Variants in RPS6KA2 observed in about 807,000 individuals in gnomAD.
RPS6KA2 encodes ribosomal protein S6 kinase alpha-2.
RPS6KA2 carries 42 observed loss-of-function variants against 91.8 expected under a neutral mutation model. The ratio of observed to expected loss-of-function variants is 0.46; its 90% CI spans 0.36 to 0.59. The LOEUF (loss-of-function observed/expected upper bound fraction) is 0.59. RPS6KA2 is among the 20% of genes least tolerant of loss of function. RPS6KA2 has a pLI of 0.00. For synonymous variants in RPS6KA2, 414 were observed against 393.6 expected, an observed-to-expected ratio of 1.05 and a Z score of -0.61; for missense variants, 798 against 978.5, an observed-to-expected ratio of 0.82 and a Z score of 2.46.
At chr6:166,714,964 C>T (rs1432244099) in intron 2 of RPS6KA2, among the ~76,000 whole-genome samples, 1 of 152,250 alleles carries the variant, frequency 6.6e-6, no homozygotes, top group South Asian at 2.1e-4. Context: ...ACTGGGCACC[C>T]TCCCTTCCCG....
chr6:166,567,822 C>A (rs1784547859), intron 1 of RPS6KA2, among the ~76,000 whole-genome samples: 1 of 152,190 alleles, frequency 6.6e-6, no homozygotes, highest in Non-Finnish European at 1.5e-5. Context: ...ACAAGAGGTT[C>A]CATCTCTCCC....
chr6:166,647,595 G>A (rs1170142201), intron 2 of RPS6KA2, among the ~76,000 whole-genome samples: 2 of 152,102 alleles, frequency 1.3e-5, no homozygotes, highest in Non-Finnish European at 2.9e-5. Flanking sequence ...TTTCCATACC[G>A]CTCCCTAACA....
intron 2 of RPS6KA2, among the ~76,000 whole-genome samples, chr6:166,686,199 G>A (rs1449933597): frequency 2.6e-5 from 4 of 152,152 alleles, no homozygotes; most frequent in Non-Finnish European, 5.9e-5. Flanking sequence ...GTCCTGCTGA[G>A]TCCTGCCGCC....
chr6:166,827,039 C>T (rs1780063473), intron 2 of RPS6KA2, among the ~76,000 whole-genome samples: 1 of 151,894 alleles, frequency 6.6e-6, no homozygotes. Context: ...ATGGGGAGAC[C>T]TTGGTCAAAG....
At chr6:166,547,736 A>G (rs1470946941) in intron 1 of RPS6KA2, among the ~76,000 whole-genome samples, 2 of 152,264 alleles carry the variant, frequency 1.3e-5, no homozygotes, top group Non-Finnish European at 2.9e-5. Context: ...GATAGAGAGT[A>G]GTCAGCTGCA....
intron 1 of RPS6KA2, among the ~76,000 whole-genome samples, chr6:166,545,953 C>T (rs189804049): frequency 3.3e-4 from 50 of 152,284 alleles, no homozygotes; most frequent in Non-Finnish European, 6.8e-4. Flanking sequence ...CCAGTCCTGA[C>T]ATCGGCCATT....
chr6:166,544,095 C>T (rs1236290954), intron 1 of RPS6KA2, among the ~76,000 whole-genome samples: 1 of 152,234 alleles, frequency 6.6e-6, no homozygotes, highest in Non-Finnish European at 1.5e-5. Context: ...CCTTGGGTTC[C>T]CTGCTCTAAC....
At chr6:166,695,167 C>T (rs1789321549) in intron 2 of RPS6KA2, among the ~76,000 whole-genome samples, 1 of 152,154 alleles carries the variant, frequency 6.6e-6, no homozygotes, top group African/African-American at 2.4e-5. Flanking sequence ...CTCAGGAAGA[C>T]TTGAACCCAG....
rs1784128916 is a variant in RPS6KA2 at position 166,554,720 on chromosome 6, T to C, written c.100-15936A>G. On this transcript the variant is annotated intron_variant, in intron 1 of 20. Coordinates refer to ENST00000265678, the MANE Select transcript of RPS6KA2 (RefSeq NM_021135.6). The surrounding 1 kb of genome is among the most constrained non-coding windows in gnomAD (Gnocchi z 4.3). ...TGTCTGAAAGGGTTTTGTTTTTTTG[T>C]TTTTTTCTAAGCAAACAAGTCTGAC... 6.6e-6 allele frequency among the ~76,000 whole-genome samples: 1 copy of C among 152,158 alleles called. No homozygotes were observed.
chr6:166,701,934 G>C, intron 2 of RPS6KA2: 1 of 1,146,234 alleles, frequency 8.7e-7, no homozygotes, highest in Non-Finnish European at 1.3e-6. Context: ...ATTTTTTTAA[G>C]ATTTCTTCCT....
At chr6:166,536,437 C>A (rs774449276) in intron 2 of RPS6KA2, among the ~76,000 whole-genome samples, 16 of 152,178 alleles carry the variant, frequency 1.1e-4, no homozygotes, top group Non-Finnish European at 2.1e-4. Context: ...TTCTCCCCCT[C>A]GTCATCAGTT....
chr6:166,608,066 T>C (rs1309670938), intron 1 of RPS6KA2, among the ~76,000 whole-genome samples: 1 of 151,680 alleles, frequency 6.6e-6, no homozygotes, highest in African/African-American at 2.4e-5. Context: ...TTTATTATAG[T>C]GCATCTTGAA....
rs1784209908 is a variant in RPS6KA2, at chr6:166,557,418, C to T, written c.100-18634G>A. On this transcript the variant is annotated intron_variant, in intron 1 of 20. Coordinates refer to ENST00000265678, the MANE Select transcript of RPS6KA2 (RefSeq NM_021135.6). The surrounding 1 kb of genome is among the most constrained non-coding windows in gnomAD (Gnocchi z 4.8). ...ACTCTGAAAATGAACTGTTCTCCCA[C>T]TGAGCTGTGCCTCAACCCAAATTAA... 1.3e-5 allele frequency among the ~76,000 whole-genome samples: 2 copies of T among 152,274 alleles called. No homozygotes were observed. Among genetic ancestry groups the T allele is most frequent in the Non-Finnish European group, 2.9e-5 (2 of 68,048 alleles).
At chr6:166,477,222 T>C (rs1781009064) in intron 10 of RPS6KA2, among the ~76,000 whole-genome samples, 1 of 152,138 alleles carries the variant, frequency 6.6e-6, no homozygotes, top group South Asian at 2.1e-4. Flanking sequence ...AATACACCTG[T>C]GGGAGGGTCC....
intron 12 of RPS6KA2, among the ~76,000 whole-genome samples, chr6:166,454,678 T>A (rs1780032625): frequency 6.6e-6 from 1 of 152,156 alleles, no homozygotes; most frequent in Non-Finnish European, 1.5e-5. Flanking sequence ...GGATGCTTTG[T>A]AATGATTGCA....
In RPS6KA2 at chr6:166,434,287, A is replaced by G. The variant is rs894155447; in HGVS notation, c.1333-1797T>C. ...AGTCCTAATAGCCTGCGTTGTAAAC[A>G]GGCAGAAGAGTTAGGGTCCCTTTCT... On this transcript the variant is annotated intron_variant, in intron 14 of 20. Coordinates refer to ENST00000265678, the MANE Select transcript of RPS6KA2 (RefSeq NM_021135.6). The surrounding 1 kb of genome is among the most constrained non-coding windows in gnomAD (Gnocchi z 4.4). Among the ~76,000 whole-genome samples, 4 of 152,266 alleles carry G rather than the reference A, an allele frequency of 2.6e-5. No individual in the cohort carries two copies. The highest frequency in any genetic ancestry group is 7.2e-5 in the African/African-American group (3 of 41,474).
At chr6:166,752,599 A>C (rs1777883203) in intron 2 of RPS6KA2, among the ~76,000 whole-genome samples, 1 of 152,188 alleles carries the variant, frequency 6.6e-6, no homozygotes, top group Admixed American at 6.5e-5. Context: ...GTTATTATAG[A>C]AAAGGATGAT....
At position 166,461,111 on chromosome 6, in the gene RPS6KA2, T is replaced by C. The variant is rs528346511; in HGVS notation, c.973-1560A>G. ...CCCGGGGGCTTATCAGGCAGCAGGA[T>C]GTGCCCTGATGTGCAAGAGCTCAGG... On this transcript the variant is annotated intron_variant, in intron 11 of 20. Transcript: ENST00000265678. Among the ~76,000 whole-genome samples, 6 of 152,238 alleles carry C rather than the reference T, an allele frequency of 3.9e-5. No individual in the cohort carries two copies. The South Asian group carries it at 1.2e-3, about 32-fold the overall frequency.
intron 2 of RPS6KA2, among the ~76,000 whole-genome samples, chr6:166,809,676 G>T (rs1779579470): frequency 6.6e-6 from 1 of 152,238 alleles, no homozygotes; most frequent in Non-Finnish European, 1.5e-5. Flanking sequence ...AAATTAGGAT[G>T]CTGGGTGGTA....
Sources: allele counts gnomAD v4.1 joint callset (sites outside exome capture counted in the v4.1 genomes callset), GRCh38; gene constraint gnomAD v4.1.1; non-coding constraint Gnocchi (gnomAD v3.1); transcripts MANE v1.5; gene names NCBI Gene and HGNC (gene_info 2026-07-23, HGNC 2026-07-21).